The following TANC2 variants were observed in gnomAD, a reference collection of about 807,000 sequenced individuals.
The protein encoded by TANC2 is tetratricopeptide repeat, ankyrin repeat and coiled-coil containing 2, also known as protein TANC2.
Under a neutral mutation model 210.5 loss-of-function variants are expected in TANC2, and 26 were observed. The observed-to-expected ratio is 0.12, with a 90% confidence interval of 0.09 to 0.17. The LOEUF is 0.17. Among genes scored for constraint, TANC2 ranks in the 10% least tolerant of loss-of-function variants. TANC2 has a pLI of 1.00. For synonymous variants in TANC2, 931 were observed against 967.1 expected, an observed-to-expected ratio of 0.96 and a Z score of 0.69; for missense variants, 2,129 against 2,608.9, an observed-to-expected ratio of 0.82 and a Z score of 4.01.
Position 63,420,096 on chromosome 17 carries a change from T to C in TANC2, c.4366T>C (p.Cys1456Arg), listed in dbSNP as rs2048975908. Reference sequence around the variant, plus strand: ...ACTTCTGCTGAGAGTGGAAGAAGAGTGTAGACAGATGCAGCAGCCACAGCA... The same window carrying C: ...ACTTCTGCTGAGAGTGGAAGAAGAGCGTAGACAGATGCAGCAGCCACAGCA... The change falls in exon 28 of 28, where the codon TGT becomes CGT. Residue 1456 changes from cysteine to arginine, a missense_variant. This residue lies in a region of TANC2 where 584 missense variants were observed against 627.3 expected (regional missense o/e 0.93). Coordinates refer to ENST00000689528, the Ensembl canonical transcript of TANC2. The surrounding 1 kb of genome is among the most constrained non-coding windows in gnomAD (Gnocchi z 4.2). 4 of 1,551,048 alleles carry C rather than the reference T, an allele frequency of 2.6e-6. No homozygotes were observed. The highest frequency in any genetic ancestry group is 1.2e-5 in the South Asian group (1 of 84,006).
intron 14 of TANC2, among the ~76,000 whole-genome samples, chr17:63,377,791 C>G (rs956726342): frequency 6.6e-6 from 1 of 152,154 alleles, no homozygotes. Flanking sequence ...ATACCTGAAA[C>G]TGGGTGATTT....
chr17:63,190,792 C>T (rs1290999847), intron 5 of TANC2, among the ~76,000 whole-genome samples: 2 of 152,180 alleles, frequency 1.3e-5, no homozygotes, highest in East Asian at 1.9e-4. Flanking sequence ...CTAAAATACA[C>T]ATTGCCTCCA....
At chr17:63,303,970 T>C (rs1375421091) in intron 9 of TANC2, among the ~76,000 whole-genome samples, 1 of 151,958 alleles carries the variant, frequency 6.6e-6, no homozygotes, top group African/African-American at 2.4e-5. Flanking sequence ...AACTGGTTAT[T>C]CTAGTTAGCA....
chr17:62,986,367 A>G (rs2032565715), intron 1 of TANC2, among the ~76,000 whole-genome samples: 1 of 152,130 alleles, frequency 6.6e-6, no homozygotes, highest in Non-Finnish European at 1.5e-5. Flanking sequence ...AGCAGCCTTC[A>G]GGGTTATTTC....
intron 5 of TANC2, among the ~76,000 whole-genome samples, chr17:63,156,325 T>G (rs2039835367): frequency 1.3e-5 from 2 of 152,076 alleles, no homozygotes; most frequent in African/African-American, 4.8e-5. Flanking sequence ...CATGTACATA[T>G]GTACTTTTTC....
intron 9 of TANC2, among the ~76,000 whole-genome samples, chr17:63,292,987 G>A (rs1391239309): frequency 6.6e-6 from 1 of 152,166 alleles, no homozygotes; most frequent in Non-Finnish European, 1.5e-5. Context: ...CCAAAAAAGC[G>A]ATTCTGCTTT....
At chr17:63,222,004 TAAAAC>T (rs2042206008) in intron 7 of TANC2, among the ~76,000 whole-genome samples, 1 of 152,220 alleles carries the variant, frequency 6.6e-6, no homozygotes, top group East Asian at 1.9e-4. Flanking sequence ...TTTGGGCTGA[TAAAAC>T]AAAATTCCAT....
At chr17:63,157,222 A>G (rs1432312765) in intron 5 of TANC2, among the ~76,000 whole-genome samples, 1 of 152,184 alleles carries the variant, frequency 6.6e-6, no homozygotes, top group Non-Finnish European at 1.5e-5. Flanking sequence ...AGGGGAGGCC[A>G]GAAAGCCCTT....
intron 18 of TANC2, among the ~76,000 whole-genome samples, chr17:63,397,727 T>G (rs2048214195): frequency 6.6e-6 from 1 of 152,182 alleles, no homozygotes. Context: ...ACATGCACAA[T>G]CAATATAAAT....
chr17:63,351,541 C>G lies in TANC2; in HGVS notation c.1974+125C>G, dbSNP rs1181985702. On this transcript the variant is annotated intron_variant, in intron 13 of 27. Transcript: ENST00000689528. ...CTAGAGCATTATGAAGAATAATTCC[C>G]GAAGAATTAATCTAATATTTTGAGA... is the stretch of plus-strand genomic sequence containing the variant. 5.9e-6 allele frequency: 4 copies of G among 672,428 alleles called. 1 individual carries two copies. The South Asian group carries it at 2.1e-4, about 36-fold the overall frequency. The allele number at this position is 672,428 out of a possible 1,614,324, so 41.7% of individuals were successfully genotyped here.
chr17:63,385,401 A>G (rs1437016797), intron 15 of TANC2, among the ~76,000 whole-genome samples: 2 of 152,242 alleles, frequency 1.3e-5, no homozygotes, highest in Non-Finnish European at 2.9e-5. Context: ...TCCAGGATCT[A>G]CAGTGCAGGT....
chr17:63,280,991 T>A (rs893027795), intron 9 of TANC2, among the ~76,000 whole-genome samples: 6 of 152,140 alleles, frequency 3.9e-5, no homozygotes, highest in African/African-American at 1.2e-4. Flanking sequence ...TAAAAACATG[T>A]CTGAATTCCA....
intron 17 of TANC2, chr17:63,390,217 C>T (rs2047922175): frequency 3.3e-5 from 5 of 152,446 alleles, no homozygotes; most frequent in African/African-American, 1.2e-4. Context: ...AAAGTCTGGC[C>T]TCATAGTATT....
intron 5 of TANC2, among the ~76,000 whole-genome samples, chr17:63,176,305 A>G (rs1389553815): frequency 6.6e-6 from 1 of 152,238 alleles, no homozygotes; most frequent in African/African-American, 2.4e-5. Context: ...GTTTATCAGC[A>G]GGGAAACAAC....
intron 9 of TANC2, among the ~76,000 whole-genome samples, chr17:63,309,171 G>A (rs2146547057): frequency 6.6e-6 from 1 of 152,124 alleles, no homozygotes; most frequent in Admixed American, 6.5e-5. Context: ...AAATGTGAGT[G>A]TGTGTATGTA....
intron 5 of TANC2, among the ~76,000 whole-genome samples, chr17:63,161,742 A>G (rs2040033471): frequency 1.3e-5 from 2 of 152,146 alleles, no homozygotes; most frequent in South Asian, 2.1e-4. Context: ...ACATGTATAT[A>G]TTGATGACTC....
At chr17:63,015,380 C>T (rs2143912286) in intron 2 of TANC2, among the ~76,000 whole-genome samples, 1 of 152,072 alleles carries the variant, frequency 6.6e-6, no homozygotes, top group Non-Finnish European at 1.5e-5. Context: ...AGGTTTGTTA[C>T]ATATGTATGC....
At chr17:63,137,613 A>C (rs548555357) in intron 4 of TANC2, among the ~76,000 whole-genome samples, 2 of 152,224 alleles carry the variant, frequency 1.3e-5, no homozygotes, top group African/African-American at 4.8e-5. Context: ...TGTTTTATCC[A>C]TGAGCGCTTT....
At chr17:63,203,831 G>A (rs1342476286) in intron 7 of TANC2, among the ~76,000 whole-genome samples, 1 of 152,122 alleles carries the variant, frequency 6.6e-6, no homozygotes, top group East Asian at 1.9e-4. Flanking sequence ...AAAACTTAGG[G>A]CAGTGCAATG....
Sources: allele counts gnomAD v4.1 joint callset (sites outside exome capture counted in the v4.1 genomes callset), GRCh38; gene constraint gnomAD v4.1.1; regional missense constraint gnomAD v4.1.1; non-coding constraint Gnocchi (gnomAD v3.1); transcripts MANE v1.5; gene names NCBI Gene and HGNC (gene_info 2026-07-23, HGNC 2026-07-21).